Variants in OPHN1 observed in about 807,000 individuals in gnomAD.
OPHN1 encodes oligophrenin 1.
In OPHN1, 11 loss-of-function variants were observed where a neutral mutation model predicts 60.7. That is an observed-to-expected ratio of 0.18 (90% CI 0.11 to 0.30). The LOEUF is 0.30. Among genes scored for constraint, OPHN1 ranks in the 10% least tolerant of loss-of-function variants. The probability of loss-of-function intolerance (pLI) is 1.00; values close to 1 mark genes in which losing one functional copy is unlikely to be tolerated. For synonymous variants in OPHN1, 226 were observed against 222.6 expected, an observed-to-expected ratio of 1.02 and a Z score of -0.14; for missense variants, 449 against 611.0, an observed-to-expected ratio of 0.73 and a Z score of 2.80.
chrX:68,338,214 A>G (rs1299169005), intron 2 of OPHN1, among the ~76,000 whole-genome samples: 1 of 111,855 alleles, frequency 8.9e-6, no homozygotes, highest in Non-Finnish European at 1.9e-5. Context: ...CTTCAGAAAT[A>G]TAAGACTTCA....
At chrX:68,049,610 A>C (rs1263309353) in intron 23 of OPHN1, among the ~76,000 whole-genome samples, 1 of 111,547 alleles carries the variant, frequency 9.0e-6, no homozygotes, top group Non-Finnish European at 1.9e-5. Context: ...CCCACTACCA[A>C]AGTGATCTTT....
At chrX:68,317,376 AAAGGAAGGAAGG>A (rs771749142) in intron 2 of OPHN1, among the ~76,000 whole-genome samples, 579 of 50,517 alleles carry the variant, frequency 0.011, 8 homozygotes, top group Middle Eastern at 0.037. Flanking sequence ...AGAAAGAAAG[AAAGGAAGGAAGG>A]AAGGAAGGAA....
intron 6 of OPHN1, among the ~76,000 whole-genome samples, chrX:68,222,791 G>A (rs1204095373): frequency 5.9e-5 from 4 of 67,708 alleles, no homozygotes; most frequent in Non-Finnish European, 8.0e-5. Flanking sequence ...GGTGGGGGGA[G>A]GGGGGAGGGA....
intron 3 of OPHN1, among the ~76,000 whole-genome samples, chrX:68,294,328 G>A (rs1483501450): frequency 3.7e-5 from 4 of 108,251 alleles, no homozygotes; most frequent in South Asian, 4.2e-4. Context: ...AAAAATAGCC[G>A]GGCATGTATT....
intron 6 of OPHN1, among the ~76,000 whole-genome samples, chrX:68,222,129 G>A (rs1429931113): frequency 2.8e-5 from 3 of 108,784 alleles, no homozygotes; most frequent in East Asian, 5.7e-4. Flanking sequence ...GACATGAACA[G>A]ACACTCCTCA....
rs748847432 is a variant in OPHN1, at chrX:68,252,805, A to G, written c.385-18217T>C. Among the ~76,000 whole-genome samples the G allele has an allele frequency of 6.5e-4, 72 of 111,283 alleles. 1 individual carries two copies. The highest frequency in any genetic ancestry group is 2.3e-4 in the Non-Finnish European group (12 of 53,114). ...AATGCCAGCCACTTCCTAATTGTCA[A>G]CGGAAGTGAGAAGCAGCTTTATCTC... is the stretch of plus-strand genomic sequence containing the variant. On this transcript the variant is annotated intron_variant, in intron 5 of 24. Coordinates refer to ENST00000355520, the MANE Select transcript of OPHN1 (RefSeq NM_002547.3).
At chrX:68,090,561 A>T (rs2077013669) in intron 19 of OPHN1, among the ~76,000 whole-genome samples, 2 of 110,348 alleles carry the variant, frequency 1.8e-5, no homozygotes, top group Admixed American at 9.8e-5. Context: ...GTGTCTGAAA[A>T]GTATATAAAT....
intron 20 of OPHN1, among the ~76,000 whole-genome samples, chrX:68,064,794 A>C (rs2076907101): frequency 8.9e-6 from 1 of 111,772 alleles, no homozygotes; most frequent in African/African-American, 3.3e-5. Context: ...AATATAGCAA[A>C]AATTTTGAAA....
rs1446869854 is a variant in OPHN1 at position 68,232,218 on chromosome X, A to C, written c.486+2269T>G. The stretch of plus-strand genomic sequence containing the variant: ...ATAGTTTGGATTGTGTCCAGGGTCC[A>C]GAAGACCACCCCAATTTTAATAATT... On this transcript the variant is annotated intron_variant, in intron 6 of 24. Transcript: ENST00000355520. Among the ~76,000 whole-genome samples the C allele has an allele frequency of 1.3e-4, 15 of 111,919 alleles. 1 individual carries two copies. The highest frequency in any genetic ancestry group is 2.6e-4 in the Non-Finnish European group (14 of 53,235).
At position 68,045,591 on chromosome X, in the gene OPHN1, G is replaced by A. The variant is rs911591229; in HGVS notation, c.*1581C>T. 6.3e-5 allele frequency: 7 copies of A among 111,776 alleles called. No homozygotes were observed. Among genetic ancestry groups the A allele is most frequent in the East Asian group, 2.8e-4 (1 of 3,532 alleles). The allele number at this position is 111,776 out of a possible 1,213,427, so 9.2% of individuals were successfully genotyped here. On this transcript the variant is annotated 3_prime_UTR_variant, in exon 25 of 25. Coordinates refer to ENST00000355520, the MANE Select transcript of OPHN1 (RefSeq NM_002547.3). Reference sequence around the variant, plus strand: ...TATACAGACGCTACAGACAAGCTACGGCCCAGGCATCTGCATAGAAACAAG... The same window carrying A: ...TATACAGACGCTACAGACAAGCTACAGCCCAGGCATCTGCATAGAAACAAG...
chrX:68,330,641 A>C (rs1339560027), intron 2 of OPHN1, among the ~76,000 whole-genome samples: 1 of 109,706 alleles, frequency 9.1e-6, no homozygotes, highest in Non-Finnish European at 1.9e-5. Flanking sequence ...TCTTTAAAAA[A>C]AAAGTGAAGA....
intron 19 of OPHN1, among the ~76,000 whole-genome samples, chrX:68,077,622 C>T (rs1794513743): frequency 9.0e-6 from 1 of 111,557 alleles, no homozygotes; most frequent in Admixed American, 9.5e-5. Context: ...ATGCACTGTC[C>T]TTTGTCATTT....
At chrX:68,177,065 A>G (rs1357710094) in intron 15 of OPHN1, among the ~76,000 whole-genome samples, 1 of 109,671 alleles carries the variant, frequency 9.1e-6, no homozygotes, top group East Asian at 2.8e-4. Context: ...AAAACATTCT[A>G]CAACATGGAT....
chrX:68,389,420 A>T (rs1438241969), intron 2 of OPHN1, among the ~76,000 whole-genome samples: 1 of 108,465 alleles, frequency 9.2e-6, no homozygotes. Context: ...CATAAAAATT[A>T]GCTGGACATG....
intron 5 of OPHN1, among the ~76,000 whole-genome samples, chrX:68,266,310 T>C (rs1419757713): frequency 8.9e-6 from 1 of 111,792 alleles, no homozygotes; most frequent in Non-Finnish European, 1.9e-5. Flanking sequence ...GGGAAGTCCC[T>C]CAGACTAACA....
intron 15 of OPHN1, among the ~76,000 whole-genome samples, chrX:68,152,979 G>T (rs1416733211): frequency 9.1e-6 from 1 of 109,609 alleles, no homozygotes; most frequent in Non-Finnish European, 1.9e-5. Context: ...GGGAGGCCAA[G>T]GCAGGTGGAT....
chrX:68,266,745 GAGTCAAGACCCATC>G (rs1298823095), intron 5 of OPHN1, among the ~76,000 whole-genome samples: 1 of 111,360 alleles, frequency 9.0e-6, no homozygotes, highest in African/African-American at 3.3e-5. Context: ...ATTGGATAAA[GAGTCAAGACCCATC>G]AGTGTGCTGT....
intron 2 of OPHN1, among the ~76,000 whole-genome samples, chrX:68,424,899 C>T (rs750061096): frequency 2.5e-4 from 28 of 112,189 alleles, no homozygotes; most frequent in African/African-American, 9.0e-4. Flanking sequence ...CAATATATCA[C>T]CTCTGTCAAA....
intron 2 of OPHN1, among the ~76,000 whole-genome samples, chrX:68,328,917 C>G (rs2078281532): frequency 8.9e-6 from 1 of 112,018 alleles, no homozygotes; most frequent in Admixed American, 9.5e-5. Context: ...CTGGCCATTT[C>G]AAATCTTTTT....
Sources: allele counts gnomAD v4.1 joint callset (sites outside exome capture counted in the v4.1 genomes callset), GRCh38; gene constraint gnomAD v4.1.1; transcripts MANE v1.5; gene names NCBI Gene and HGNC (gene_info 2026-07-23, HGNC 2026-07-21).